FBN1: variants seen among roughly 807,000 people sequenced by gnomAD.
FBN1 encodes the protein fibrillin 1, also known as fibrillin-1.
Under a neutral mutation model 365.1 loss-of-function variants are expected in FBN1, and 29 were observed. The observed-to-expected ratio is 0.08, with a 90% CI of 0.06 to 0.11. The LOEUF (loss-of-function observed/expected upper bound fraction) is 0.11. Ranked by LOEUF, FBN1 falls within the 10% of genes least tolerant of loss-of-function variation. The pLI is 1.00. For synonymous variants in FBN1, 1,210 were observed against 1,270.5 expected, an observed-to-expected ratio of 0.95 and a Z score of 1.01; for missense variants, 2,476 against 3,703.2, an observed-to-expected ratio of 0.67 and a Z score of 8.60.
intron 49 of FBN1, among the ~76,000 whole-genome samples, chr15:48,442,807 A>G (rs2043126792): frequency 6.6e-6 from 1 of 152,238 alleles, no homozygotes; most frequent in Non-Finnish European, 1.5e-5. Context: ...GACTTTCAGC[A>G]GGAATTTTTA....
chr15:48,587,526 C>T (rs1295345136), intron 6 of FBN1, among the ~76,000 whole-genome samples: 1 of 152,146 alleles, frequency 6.6e-6, no homozygotes, highest in Non-Finnish European at 1.5e-5. Context: ...AGAAGGGCTC[C>T]AGTACCATGA....
chr15:48,469,648 C>G (rs1165842726), intron 36 of FBN1, among the ~76,000 whole-genome samples: 1 of 152,030 alleles, frequency 6.6e-6, no homozygotes, highest in African/African-American at 2.4e-5. Context: ...GGTTGCGCTG[C>G]AGATGATTTT....
At position 48,444,242 on chromosome 15, in the gene FBN1, G is replaced by C. The variant is rs16960948; in HGVS notation, c.6037+299C>G. On this transcript the variant is annotated intron_variant, in intron 49 of 65. Coordinates refer to ENST00000316623, the MANE Select transcript of FBN1 (RefSeq NM_000138.5). Reference sequence around the variant, plus strand: ...AAAGAATCGCCACTTAAAAAATGTAGTTCGGAAATACTGGGAGTAGGACAC... The same window carrying C: ...AAAGAATCGCCACTTAAAAAATGTACTTCGGAAATACTGGGAGTAGGACAC... Among the ~76,000 whole-genome samples, 2,500 of 152,252 alleles carry C rather than the reference G, an allele frequency of 0.016. 206 individuals are homozygous for C. In the East Asian group the frequency reaches 0.24, roughly 15 times the overall value.
intron 2 of FBN1, among the ~76,000 whole-genome samples, chr15:48,629,477 A>G (rs532778219): frequency 2.0e-5 from 3 of 152,330 alleles, no homozygotes; most frequent in Admixed American, 2.0e-4. Flanking sequence ...TTATGACTCA[A>G]TTAGGAAATT....
intron 35 of FBN1, among the ~76,000 whole-genome samples, chr15:48,471,203 T>A (rs985319884): frequency 1.3e-5 from 2 of 152,194 alleles, no homozygotes; most frequent in Non-Finnish European, 2.9e-5. Context: ...TCCCTAGTCC[T>A]ATGGCATGTG....
chr15:48,465,473 A>G (rs1323063939), intron 40 of FBN1, 95 bp downstream of exon 40: 6 of 1,441,090 alleles, frequency 4.2e-6, no homozygotes, highest in Admixed American at 1.7e-5. Context: ...ATTGTGCTAC[A>G]CTGCTAAATT....
intron 13 of FBN1, among the ~76,000 whole-genome samples, chr15:48,511,491 A>G (rs1186123647): frequency 3.3e-5 from 5 of 152,116 alleles, no homozygotes; most frequent in African/African-American, 7.2e-5. Flanking sequence ...TAAAAAGTTC[A>G]TATTTTTCTC....
intron 53 of FBN1, among the ~76,000 whole-genome samples, chr15:48,435,810 G>GCGTGTA (rs2043067946): frequency 7.5e-6 from 1 of 134,154 alleles, no homozygotes; most frequent in Non-Finnish European, 1.5e-5. Context: ...GTGTGTGTGT[G>GCGTGTA]TATATATGCC....
At position 48,610,777 on chromosome 15, in the gene FBN1, C is replaced by T. The variant is rs1314594090; in HGVS notation, c.297G>A (p.Met99Ile). 1.9e-6 allele frequency: 3 copies of T among 1,613,992 alleles called. No homozygotes were observed. Among genetic ancestry groups the T allele is most frequent in the Non-Finnish European group, 1.7e-6 (2 of 1,180,012 alleles). The part of the protein sequence containing the change: ...CGDGFCSRPN[M>I]CTCPSGQIAP... ...CTATCTGACCAGATGGGCAAGTGCACATATTTGGCCTCGAACAAAATCCAT... is the reference window on the plus strand; with the variant it reads ...CTATCTGACCAGATGGGCAAGTGCATATATTTGGCCTCGAACAAAATCCAT... Residue 99 changes from methionine to isoleucine, a missense_variant, in exon 4 of 66, where the codon ATG becomes ATA. Transcript: ENST00000316623.
intron 62 of FBN1, among the ~76,000 whole-genome samples, 160 bp from the exon 63 acceptor site, chr15:48,420,966 A>G (rs1457338358): frequency 6.6e-6 from 1 of 152,222 alleles, no homozygotes; most frequent in Non-Finnish European, 1.5e-5. Context: ...GTCCAAGGAG[A>G]AAATCATTCA....
At chr15:48,474,108 T>C (rs547423371) in intron 34 of FBN1, 147 bp downstream of exon 34, 1 of 1,195,292 alleles carries the variant, frequency 8.4e-7, no homozygotes, top group Non-Finnish European at 1.2e-6. Flanking sequence ...GTTCCAATTT[T>C]TTTTTTCCCA....
At chr15:48,446,962 A>G (rs2043165045) in intron 46 of FBN1, 140 bp from the exon 47 acceptor site, 1 of 662,264 alleles carries the variant, frequency 1.5e-6, no homozygotes, top group South Asian at 1.7e-5. Flanking sequence ...TATCAGCTCC[A>G]GCAGCAGTCA....
chr15:48,594,097 A>C (rs892498538), intron 6 of FBN1, among the ~76,000 whole-genome samples: 7 of 152,180 alleles, frequency 4.6e-5, no homozygotes, highest in Admixed American at 1.3e-4. Context: ...TAAGTAAGAG[A>C]ATCTACTGCC....
chr15:48,472,698 C>T (rs372666504), intron 34 of FBN1, 22 bp from the exon 35 acceptor site: 35 of 1,614,136 alleles, frequency 2.2e-5, no homozygotes, highest in African/African-American at 5.3e-5. Context: ...AAGAAACACA[C>T]GTTACTCTTC....
chr15:48,454,628 AC>A (rs1188353601), intron 44 of FBN1, among the ~76,000 whole-genome samples: 1 of 152,232 alleles, frequency 6.6e-6, no homozygotes, highest in Non-Finnish European at 1.5e-5. Flanking sequence ...ATGGCCTATA[AC>A]ACAGGTGAAG....
rs920512347 is a variant in FBN1, at chr15:48,474,174, A to G, written c.4210+81T>C. 10 of 1,600,348 alleles carry G rather than the reference A, an allele frequency of 6.2e-6. No homozygotes were observed. The African/African-American group carries it at 9.4e-5, about 15-fold the overall frequency. On this transcript the variant is annotated intron_variant, in intron 34 of 65. Coordinates refer to ENST00000316623, the MANE Select transcript of FBN1 (RefSeq NM_000138.5). ...TCTATTAACTGACCCAGTCTTCAAAAAAGAATTGCTAGCCTGAGAAATGTG... is the reference window on the plus strand; with the variant it reads ...TCTATTAACTGACCCAGTCTTCAAAGAAGAATTGCTAGCCTGAGAAATGTG...
chr15:48,505,195 A>G (rs1373882280), intron 15 of FBN1, 48 bp from the exon 16 acceptor site: 2 of 1,610,580 alleles, frequency 1.2e-6, no homozygotes, highest in Non-Finnish European at 1.7e-6. Context: ...CATTTATCTA[A>G]AATTATAACA....
intron 12 of FBN1, among the ~76,000 whole-genome samples, 172 bp downstream of exon 12, chr15:48,515,215 A>G (rs528444531): frequency 3.5e-4 from 53 of 152,382 alleles, no homozygotes; most frequent in African/African-American, 1.3e-3. Context: ...ATGTTAGCCC[A>G]GTAAGACTTC....
intron 4 of FBN1, 49 bp from the exon 5 acceptor site, chr15:48,600,283 T>C (rs372941666): frequency 7.7e-6 from 10 of 1,302,838 alleles, no homozygotes; most frequent in Admixed American, 1.7e-5. Flanking sequence ...AATGCATAGA[T>C]TGCAACAGCT....
Sources: gnomAD v4.1 joint callset for allele counts (sites outside exome capture counted in the v4.1 genomes callset) on GRCh38, gnomAD v4.1.1 for gene constraint, MANE v1.5 for transcripts, NCBI Gene and HGNC (gene_info 2026-07-23, HGNC 2026-07-21) for gene names.